The following TMEM222 variants were observed in gnomAD, a reference collection of about 807,000 sequenced individuals.
The protein encoded by TMEM222 is transmembrane protein 222.
In TMEM222, 18 loss-of-function variants were observed where a neutral mutation model predicts 25.1. That is an observed-to-expected ratio of 0.72 (90% confidence interval 0.50 to 1.06). The LOEUF (loss-of-function observed/expected upper bound fraction) is 1.06. Among genes scored for constraint, TMEM222 ranks in the 50% least tolerant of loss-of-function variants. The probability of loss-of-function intolerance (pLI) is 0.00; values close to 1 mark genes in which losing one functional copy is unlikely to be tolerated. For synonymous variants in TMEM222, 131 were observed against 117.9 expected (o/e 1.11, Z -0.72); for missense variants, 296 against 293.7 (o/e 1.01, Z -0.06).
rs367870073 is a variant in TMEM222 at position 27,334,449 on chromosome 1, G to A, written c.539+168G>A. The A allele has an allele frequency of 1.4e-4, 179 of 1,271,534 alleles. No individual in the cohort carries two copies. In the African/African-American group the frequency reaches 2.1e-3, roughly 15 times the overall value. The allele number at this position is 1,271,534 out of a possible 1,614,324, so 78.8% of individuals were successfully genotyped here. On this transcript the variant is annotated intron_variant, in intron 5 of 5. Coordinates refer to ENST00000374076, the MANE Select transcript of TMEM222 (RefSeq NM_032125.3). ...GACGAGCTGAGGGCCTGATGGAGAG[G>A]GAGGTGGCTGTGCTGAAGTCCAGCT...
chr1:27,330,056 T>A (rs2014443688), intron 1 of TMEM222, among the ~76,000 whole-genome samples: 1 of 146,878 alleles, frequency 6.8e-6, no homozygotes, highest in Non-Finnish European at 1.5e-5. Flanking sequence ...GAGCTGAGAT[T>A]GTGCCACCGC....
At chr1:27,329,089 T>C (rs2014419379) in intron 1 of TMEM222, among the ~76,000 whole-genome samples, 1 of 152,188 alleles carries the variant, frequency 6.6e-6, no homozygotes, top group South Asian at 2.1e-4. Flanking sequence ...TTTTATTTCC[T>C]GGCATACACC....
At chr1:27,332,308 G>A in intron 3 of TMEM222, 2 of 703,436 alleles carry the variant, frequency 2.8e-6, no homozygotes, top group South Asian at 3.1e-5. Flanking sequence ...TTTACCTGTA[G>A]ACCATCTGGG....
Position 27,332,069 on chromosome 1 carries a change from G to T in TMEM222, c.280-1G>T. 6.2e-7 allele frequency: 1 copy of T among 1,614,262 alleles called. No homozygotes were observed. The highest frequency in any genetic ancestry group is 8.5e-7 in the Non-Finnish European group (1 of 1,180,048). On this transcript the variant is annotated splice_acceptor_variant, in intron 2 of 5. Coordinates refer to ENST00000374076, the MANE Select transcript of TMEM222 (RefSeq NM_032125.3). LOFTEE classifies it high-confidence loss of function. ...TGACCTCTGCTTTTGTCCCTCAACA[G>T]GAGGACAACATGGCCTTTGGAAAGC...
intron 2 of TMEM222, among the ~76,000 whole-genome samples, chr1:27,331,794 G>A (rs1191251369): frequency 6.6e-6 from 1 of 152,230 alleles, no homozygotes; most frequent in Non-Finnish European, 1.5e-5. Flanking sequence ...AGAATTCCTG[G>A]GTGCCACACC....
intron 3 of TMEM222, chr1:27,332,764 C>T (rs927064372): frequency 5.6e-6 from 3 of 531,012 alleles, no homozygotes; most frequent in Non-Finnish European, 1.0e-5. Context: ...GCAGGGCTTC[C>T]TGCTGCCCTC....
At chr1:27,334,801 T>C in intron 5 of TMEM222, 1 of 1,107,408 alleles carries the variant, frequency 9.0e-7, no homozygotes, top group Non-Finnish European at 1.1e-6. Flanking sequence ...CTTAGCCACG[T>C]TCATCATTAA....
At chr1:27,327,386 T>C (rs1162949461) in intron 1 of TMEM222, among the ~76,000 whole-genome samples, 1 of 152,078 alleles carries the variant, frequency 6.6e-6, no homozygotes, top group South Asian at 2.1e-4. Flanking sequence ...TGTTTTTAAT[T>C]TTTATTTATT....
chr1:27,335,478 T>C lies in TMEM222; in HGVS notation c.*12T>C. On this transcript the variant is annotated 3_prime_UTR_variant, in exon 6 of 6. Coordinates refer to ENST00000374076, the MANE Select transcript of TMEM222 (RefSeq NM_032125.3). ...TTAACCTCCGGTGATGGCTGCTCGG[T>C]GGCCCCACACCCACCAGGGTCCCGA... The C allele has an allele frequency of 1.2e-6, 2 of 1,613,540 alleles. No homozygotes were observed. The highest frequency in any genetic ancestry group is 1.7e-4 in the Middle Eastern group (1 of 6,060).
chr1:27,332,833 C>T (rs1383253411), intron 3 of TMEM222: 7 of 389,186 alleles, frequency 1.8e-5, no homozygotes, highest in Admixed American at 7.7e-5. Context: ...ACCAGGTGTT[C>T]GCTGCCAGAC....
intron 1 of TMEM222, among the ~76,000 whole-genome samples, chr1:27,327,947 T>G (rs1167950485): frequency 1.3e-5 from 2 of 152,250 alleles, no homozygotes; most frequent in Non-Finnish European, 2.9e-5. Flanking sequence ...ATTCATTATT[T>G]AGTCAACAAA....
chr1:27,334,124 C>T, intron 4 of TMEM222, 27 bp from the exon 5 acceptor site: 1 of 1,614,060 alleles, frequency 6.2e-7, no homozygotes, highest in Non-Finnish European at 8.5e-7. Flanking sequence ...TGCAGCCCAT[C>T]CTGACCAGCC....
rs760689485 is a variant in TMEM222, at chr1:27,334,180, G to A, written c.438G>A (p.Ser146=). The change falls in exon 5 of 6, where the codon TCG becomes TCA. Residue 146 remains serine (S), a synonymous_variant. Coordinates refer to ENST00000374076, the MANE Select transcript of TMEM222 (RefSeq NM_032125.3). ...ATCTCTGCTGTGACAACTGCCACTC[G>A]CACGTGGCATTGGCCCTGAATCTGA... The part of the protein sequence containing the change: ...MHNLCCDNCH[S]HVALALNLMR... 8.7e-6 allele frequency: 14 copies of A among 1,614,154 alleles called. No individual in the cohort carries two copies. The highest frequency in any genetic ancestry group is 1.6e-4 in the Middle Eastern group (1 of 6,062).
At chr1:27,331,947 CTTCT>C in intron 2 of TMEM222, 119 bp from the exon 3 acceptor site, 1 of 954,382 alleles carries the variant, frequency 1.0e-6, no homozygotes, top group Non-Finnish European at 1.7e-6. Context: ...CCAGGCCCCA[CTTCT>C]GGCCCCCCCA....
At position 27,331,127 on chromosome 1, in the gene TMEM222, A is replaced by T. The variant is rs187654129; in HGVS notation, c.279+323A>T. The T allele has an allele frequency of 2.0e-5, 24 of 1,196,068 alleles. No homozygotes were observed. In the East Asian group the frequency reaches 1.1e-3, roughly 55 times the overall value. 74.1% of individuals were successfully genotyped at this position (1,196,068 alleles called of 1,614,324 possible). A position where few individuals can be genotyped will look rare whatever the true frequency, so the allele number is the denominator to read the frequency against. ...GACCATCCAGGAACCACATCTCTGG[A>T]CCTTCAGAAGGTGGGAGTCAAGGTG... On this transcript the variant is annotated intron_variant, in intron 2 of 5. Transcript: ENST00000374076.
At chr1:27,333,573 G>A in intron 3 of TMEM222, 1 of 425,838 alleles carries the variant, frequency 2.3e-6, no homozygotes, top group Non-Finnish European at 4.7e-6. Context: ...GGAGGGGTGA[G>A]GGGTCTCCCT....
Position 27,322,360 on chromosome 1 carries a change from T to C in TMEM222, c.163T>C (p.Cys55Arg). 2 of 1,492,764 alleles carry C rather than the reference T, an allele frequency of 1.3e-6. No individual in the cohort carries two copies. The highest frequency in any genetic ancestry group is 1.8e-6 in the Non-Finnish European group (2 of 1,111,968). 92.5% of individuals were successfully genotyped at this position (1,492,764 alleles called of 1,614,324 possible). ...MDVERSRFPYCVVWTPIPVLT... is the reference protein window; with the variant it reads ...MDVERSRFPYRVVWTPIPVLT... Reference sequence around the variant, plus strand: ...TGTGGAACGGAGTCGCTTCCCCTACTGCGTGGTGTGGACGCCCATCCCGGT... The same window carrying C: ...TGTGGAACGGAGTCGCTTCCCCTACCGCGTGGTGTGGACGCCCATCCCGGT... The change falls in exon 1 of 6, where the codon TGC becomes CGC. Residue 55 changes from cysteine (C) to arginine (R), a missense_variant. Physicochemically the swap from Cys to Arg is radical, Grantham distance 180 (BLOSUM62 -3). Coordinates refer to ENST00000374076, the MANE Select transcript of TMEM222 (RefSeq NM_032125.3).
chr1:27,326,545 G>C (rs1279002309), intron 1 of TMEM222, among the ~76,000 whole-genome samples: 3 of 152,110 alleles, frequency 2.0e-5, no homozygotes, highest in Non-Finnish European at 4.4e-5. Context: ...GGAAAAAAAA[G>C]AAACTAGTTT....
intron 1 of TMEM222, chr1:27,325,679 C>A: frequency 1.2e-6 from 1 of 833,176 alleles, no homozygotes; most frequent in Non-Finnish European, 2.1e-6. Context: ...AGTGCAAGTA[C>A]TCTGTGTGGA....
Sources: allele counts gnomAD v4.1 joint callset (sites outside exome capture counted in the v4.1 genomes callset), GRCh38; gene constraint gnomAD v4.1.1; transcripts MANE v1.5; gene names NCBI Gene and HGNC (gene_info 2026-07-23, HGNC 2026-07-21).